Variants in PBK observed in about 807,000 individuals in gnomAD.
PBK encodes the protein lymphokine-activated killer T-cell-originated protein kinase.
Under a neutral mutation model 33.5 loss-of-function variants are expected in PBK, and 22 were observed. The observed-to-expected ratio is 0.66, with a 90% CI of 0.47 to 0.94. PBK has a LOEUF of 0.94. Ranked by LOEUF, PBK falls within the 40% of genes least tolerant of loss-of-function variation. The probability of loss-of-function intolerance (pLI) is 0.00; values close to 1 mark genes in which losing one functional copy is unlikely to be tolerated. For missense variants in PBK, 376 were observed against 383.4 expected (o/e 0.98, Z 0.16); for synonymous variants, 129 against 123.8 (o/e 1.04, Z -0.28).
chr8:27,818,869 T>C (rs1320735502), intron 6 of PBK, among the ~76,000 whole-genome samples: 6 of 152,206 alleles, frequency 3.9e-5, no homozygotes, highest in Admixed American at 6.5e-5. Flanking sequence ...TGTTACTTTT[T>C]CCCCCAATCT....
At chr8:27,821,017 T>G (rs966182092) in intron 5 of PBK, among the ~76,000 whole-genome samples, 14 of 151,650 alleles carry the variant, frequency 9.2e-5, no homozygotes, top group Non-Finnish European at 1.3e-4. Flanking sequence ...AAAGACGAGG[T>G]TTCACCATGT....
At position 27,820,608 on chromosome 8, in the gene PBK, G is replaced by A. The variant is rs750962230; in HGVS notation, c.552C>T (p.Ile184=). The A allele has an allele frequency of 2.2e-5, 34 of 1,572,968 alleles. No homozygotes were observed. Among genetic ancestry groups the A allele is most frequent in the Non-Finnish European group, 2.5e-5 (29 of 1,145,112 alleles). The change falls in exon 6 of 8, where the codon ATC becomes ATT. Residue 184 remains isoleucine (I), a synonymous_variant. Transcript: ENST00000301905. The part of the protein sequence containing the change: ...VIKGDFETIK[I]CDVGVSLPLD... Reference sequence around the variant, plus strand: ...GTGGTAGAGAGACTCCTACATCACAGATTTTAATTGTTTCAAAATCGCCTT... The same window carrying A: ...GTGGTAGAGAGACTCCTACATCACAAATTTTAATTGTTTCAAAATCGCCTT...
chr8:27,828,483 G>C (rs1348253429), intron 2 of PBK, among the ~76,000 whole-genome samples: 1 of 152,034 alleles, frequency 6.6e-6, no homozygotes, highest in Non-Finnish European at 1.5e-5. Flanking sequence ...AAGATAAAGG[G>C]GTTGGATGTG....
intron 6 of PBK, among the ~76,000 whole-genome samples, chr8:27,819,380 G>A (rs80037331): frequency 0.05 from 7,643 of 151,828 alleles, 329 homozygotes; most frequent in East Asian, 0.2. Flanking sequence ...GAGTAGTTTT[G>A]AACATATCAA....
intron 2 of PBK, among the ~76,000 whole-genome samples, chr8:27,831,230 G>A (rs1471489046): frequency 6.6e-6 from 1 of 152,014 alleles, no homozygotes; most frequent in Non-Finnish European, 1.5e-5. Context: ...GTGCACGCCT[G>A]TAATCCCAGC....
chr8:27,834,811 G>A (rs896354983), intron 1 of PBK, among the ~76,000 whole-genome samples: 5 of 151,780 alleles, frequency 3.3e-5, no homozygotes, highest in Admixed American at 1.3e-4. Context: ...CAGAAGAATC[G>A]CTTGAACCTG....
chr8:27,813,522 T>C (rs916655746), intron 6 of PBK, among the ~76,000 whole-genome samples: 4 of 152,136 alleles, frequency 2.6e-5, no homozygotes, highest in Non-Finnish European at 5.9e-5. Flanking sequence ...TAACAAATTA[T>C]ATATGTTTAA....
At chr8:27,821,053 C>T (rs1377679256) in intron 5 of PBK, among the ~76,000 whole-genome samples, 1 of 151,882 alleles carries the variant, frequency 6.6e-6, no homozygotes, top group Non-Finnish European at 1.5e-5. Flanking sequence ...GTCTCGAACT[C>T]CTGGCTTCAA....
chr8:27,830,738 G>A (rs1044584132), intron 2 of PBK, among the ~76,000 whole-genome samples: 3 of 148,996 alleles, frequency 2.0e-5, no homozygotes, highest in Non-Finnish European at 3.0e-5. Context: ...AATTTAAATA[G>A]CCACATGTAG....
At chr8:27,831,472 T>C (rs893711935) in intron 2 of PBK, among the ~76,000 whole-genome samples, 5 of 120,066 alleles carry the variant, frequency 4.2e-5, no homozygotes, top group African/African-American at 1.1e-4. Context: ...CAAATCCACA[T>C]TGTAGTTGGA....
chr8:27,835,147 TTAA>T (rs1288731868), intron 1 of PBK, among the ~76,000 whole-genome samples: 1 of 152,214 alleles, frequency 6.6e-6, no homozygotes, highest in Non-Finnish European at 1.5e-5. Context: ...TATAGAGCCC[TTAA>T]TAATAGCATC....
chr8:27,831,857 A>G (rs1563495987), intron 2 of PBK, among the ~76,000 whole-genome samples: 1 of 152,202 alleles, frequency 6.6e-6, no homozygotes, highest in East Asian at 1.9e-4. Flanking sequence ...ATTAACTGTG[A>G]AATCACAGTT....
In PBK at chr8:27,828,133, T is replaced by A. The variant is rs1379180940; in HGVS notation, c.124A>T (p.Thr42Ser). Residue 42 changes from threonine (T) to serine (S), a missense_variant, in exon 3 of 8, where the codon ACT (threonine) becomes TCT (serine). Thr to Ser is a moderately conservative substitution (Grantham distance 58). Coordinates refer to ENST00000301905, the MANE Select transcript of PBK (RefSeq NM_018492.4). The stretch of plus-strand genomic sequence containing the variant: ...TTCATTAGGTACACATTTACCCCAG[T>A]ACCAAAGCCAAGCTTCTGCATAAAC... ...SPFMQKLGFG[T>S]GVNVYLMKRS... The A allele has an allele frequency of 2.5e-6, 4 of 1,577,892 alleles. No individual in the cohort carries two copies. The highest frequency in any genetic ancestry group is 3.5e-6 in the Non-Finnish European group (4 of 1,148,692).
intron 3 of PBK, among the ~76,000 whole-genome samples, chr8:27,824,708 G>A (rs770995061): frequency 1.3e-5 from 2 of 151,974 alleles, no homozygotes; most frequent in Non-Finnish European, 2.9e-5. Flanking sequence ...TGTTTCCCCA[G>A]GGAACAGAAA....
chr8:27,810,324 G>A lies in PBK; in HGVS notation c.950C>T (p.Ala317Val). ...DRPSAAHIVEALETDV is the reference protein window; with the variant it reads ...DRPSAAHIVEVLETDV Reference sequence around the variant, plus strand: ...TGATCACTAGACATCTGTTTCCAGAGCTTCAACAATGTGTGCAGCAGAAGG... The same window carrying A: ...TGATCACTAGACATCTGTTTCCAGAACTTCAACAATGTGTGCAGCAGAAGG... The change falls in exon 8 of 8, where the codon GCT becomes GTT. Residue 317 changes from alanine (A) to valine (V), a missense_variant. Physicochemically the swap from Ala to Val is moderately conservative, Grantham distance 64. Coordinates refer to ENST00000301905, the MANE Select transcript of PBK (RefSeq NM_018492.4). 1 of 1,611,642 alleles carries A rather than the reference G, an allele frequency of 6.2e-7. No homozygotes were observed. The highest frequency in any genetic ancestry group is 8.5e-7 in the Non-Finnish European group (1 of 1,177,860).
At chr8:27,824,774 A>G (rs1805995462) in intron 3 of PBK, among the ~76,000 whole-genome samples, 2 of 152,234 alleles carry the variant, frequency 1.3e-5, no homozygotes, top group African/African-American at 4.8e-5. Flanking sequence ...GGACAGTAGA[A>G]AAAGGAAAAC....
At chr8:27,823,341 G>GA in intron 3 of PBK, 136 bp from the exon 4 acceptor site, 1 of 577,228 alleles carries the variant, frequency 1.7e-6, no homozygotes, top group East Asian at 3.0e-5. Context: ...TTTGGACTAT[G>GA]AACACCTCTG....
At chr8:27,817,872 CTATGATGATTAAATCTCCT>C (rs1805848317) in intron 6 of PBK, among the ~76,000 whole-genome samples, 1 of 152,162 alleles carries the variant, frequency 6.6e-6, no homozygotes, top group Non-Finnish European at 1.5e-5. Flanking sequence ...ATGAAACTTT[CTATGATGATTAAATCTCCT>C]AAATCTGCAT....
chr8:27,812,487 A>C (rs1805707957), intron 6 of PBK: 1 of 152,178 alleles, frequency 6.6e-6, no homozygotes, highest in Non-Finnish European at 1.5e-5. Context: ...GATCTAATTA[A>C]AGAGCTTCTG....
Sources: gnomAD v4.1 joint callset for allele counts (sites outside exome capture counted in the v4.1 genomes callset) on GRCh38, gnomAD v4.1.1 for gene constraint, MANE v1.5 for transcripts, NCBI Gene and HGNC (gene_info 2026-07-23, HGNC 2026-07-21) for gene names.